KLHL32: variants seen among roughly 807,000 people sequenced by gnomAD.
KLHL32 encodes kelch-like protein 32.
KLHL32 carries 35 observed loss-of-function variants against 64.8 expected under a neutral mutation model. That is an observed-to-expected ratio of 0.54 (90% CI 0.41 to 0.72). The LOEUF (loss-of-function observed/expected upper bound fraction) is 0.72. Among genes scored for constraint, KLHL32 ranks in the 30% least tolerant of loss-of-function variants. KLHL32 has a pLI of 0.00. For synonymous variants in KLHL32, 259 were observed against 281.0 expected (o/e 0.92, Z 0.78); for missense variants, 589 against 768.5 (o/e 0.77, Z 2.76).
At chr6:96,952,319 A>C (rs1250880601) in intron 1 of KLHL32, among the ~76,000 whole-genome samples, 1 of 152,200 alleles carries the variant, frequency 6.6e-6, no homozygotes, top group Non-Finnish European at 1.5e-5. Context: ...TTTTTAAAAG[A>C]AGTTTGGTGA....
At chr6:97,063,880 G>A (rs1789301573) in intron 4 of KLHL32, among the ~76,000 whole-genome samples, 1 of 152,176 alleles carries the variant, frequency 6.6e-6, no homozygotes. Flanking sequence ...TGTGAATTTT[G>A]TCAACATGGT....
intron 6 of KLHL32, among the ~76,000 whole-genome samples, chr6:97,096,159 A>C (rs2128190551): frequency 6.6e-6 from 1 of 152,268 alleles, no homozygotes; most frequent in East Asian, 1.9e-4. Flanking sequence ...AAATGGCATA[A>C]GTTTTATATA....
intron 1 of KLHL32, among the ~76,000 whole-genome samples, chr6:96,932,936 CAATT>C (rs1487822937): frequency 6.6e-6 from 1 of 152,100 alleles, no homozygotes; most frequent in Non-Finnish European, 1.5e-5. Context: ...CAGAAGCCTG[CAATT>C]AATTATTGTC....
chr6:97,080,525 TA>T (rs1792338151), intron 5 of KLHL32, among the ~76,000 whole-genome samples: 1 of 152,180 alleles, frequency 6.6e-6, no homozygotes, highest in Non-Finnish European at 1.5e-5. Flanking sequence ...GATCTGCAGT[TA>T]AAGGGTGCTT....
At chr6:96,947,540 T>C (rs924919856) in intron 1 of KLHL32, among the ~76,000 whole-genome samples, 7 of 152,178 alleles carry the variant, frequency 4.6e-5, no homozygotes, top group Admixed American at 4.6e-4. Flanking sequence ...CTTACAAGCA[T>C]CTTTACAGGG....
At chr6:97,065,754 A>G (rs1171083467) in intron 5 of KLHL32, among the ~76,000 whole-genome samples, 2 of 152,128 alleles carry the variant, frequency 1.3e-5, no homozygotes, top group Non-Finnish European at 2.9e-5. Flanking sequence ...TGTAATTTTA[A>G]ATGTATACTT....
chr6:97,024,919 C>T, intron 3 of KLHL32: 1 of 850,026 alleles, frequency 1.2e-6, no homozygotes. Context: ...CATATCTTTT[C>T]TATGCTTTTA....
chr6:96,918,076 T>A, the KLHL32 span, among the ~76,000 whole-genome samples: 4 of 152,184 alleles, frequency 2.6e-5, no homozygotes, highest in Non-Finnish European at 5.9e-5. Context: ...AATCACCTTT[T>A]CTTGAGAACC....
At chr6:97,102,027 C>T (rs982455938) in intron 6 of KLHL32, among the ~76,000 whole-genome samples, 26 of 152,166 alleles carry the variant, frequency 1.7e-4, no homozygotes, top group South Asian at 2.1e-4. Flanking sequence ...CATGTCTGAT[C>T]GCATTCAGTC....
chr6:96,939,583 G>A (rs1416770968), intron 1 of KLHL32, among the ~76,000 whole-genome samples: 1 of 152,152 alleles, frequency 6.6e-6, no homozygotes, highest in African/African-American at 2.4e-5. Context: ...GAGGCAAAAT[G>A]GAGAGATTGG....
intron 3 of KLHL32, among the ~76,000 whole-genome samples, chr6:96,990,667 T>C (rs1014784185): frequency 2.0e-5 from 3 of 151,982 alleles, no homozygotes; most frequent in Admixed American, 1.3e-4. Flanking sequence ...CACTTGTCTC[T>C]TGGGGCTCCA....
At chr6:97,132,143 A>AAG (rs1277054684) in intron 9 of KLHL32, among the ~76,000 whole-genome samples, 1 of 152,112 alleles carries the variant, frequency 6.6e-6, no homozygotes, top group Non-Finnish European at 1.5e-5. Flanking sequence ...TGGGTATGTA[A>AAG]AGAAAGGTAG....
At chr6:96,919,206 G>A in the KLHL32 span, among the ~76,000 whole-genome samples, 1 of 152,172 alleles carries the variant, frequency 6.6e-6, no homozygotes, top group Non-Finnish European at 1.5e-5. Context: ...TGAGCCACCA[G>A]TATCCTTCCA....
At chr6:97,114,759 A>C (rs967648307) in intron 7 of KLHL32, among the ~76,000 whole-genome samples, 4 of 151,388 alleles carry the variant, frequency 2.6e-5, no homozygotes, top group Non-Finnish European at 5.9e-5. Context: ...GGTCCATCAC[A>C]ACTGTTTTTT....
At chr6:96,962,660 T>C (rs17057164) in intron 1 of KLHL32, among the ~76,000 whole-genome samples, 33,340 of 152,092 alleles carry the variant, frequency 0.22, 4,160 homozygotes, top group African/African-American at 0.34. Flanking sequence ...TATTCTATAA[T>C]AAAAGAAGAC....
chr6:97,003,849 G>A (rs1234427018), intron 3 of KLHL32, among the ~76,000 whole-genome samples: 2 of 152,134 alleles, frequency 1.3e-5, no homozygotes, highest in African/African-American at 4.8e-5. Flanking sequence ...GTTGGTCTAT[G>A]TCTCTGCTTT....
chr6:97,127,335 C>T, intron 7 of KLHL32, 69 bp from the exon 8 acceptor site: 1 of 1,288,484 alleles, frequency 7.8e-7, no homozygotes, highest in South Asian at 1.2e-5. Flanking sequence ...TTAATTGTAT[C>T]TCATTCTTAT....
chr6:96,900,084 T>C, the KLHL32 span, among the ~76,000 whole-genome samples: 4 of 152,234 alleles, frequency 2.6e-5, no homozygotes, highest in Non-Finnish European at 5.9e-5. Flanking sequence ...GTAGGATCCC[T>C]GAGCTGGAGT....
rs76892984 is a variant in KLHL32 at position 96,976,228 on chromosome 6, C to A, written c.204+51C>A. 5,730 of 1,447,162 alleles carry A rather than the reference C, an allele frequency of 4.0e-3. 13 individuals are homozygous for A. The highest frequency in any genetic ancestry group is 4.7e-3 in the Non-Finnish European group (5,006 of 1,072,308). The allele number at this position is 1,447,162 out of a possible 1,614,324, so 89.6% of individuals were successfully genotyped here. A position where few individuals can be genotyped will look rare whatever the true frequency, so the allele number is the denominator to read the frequency against. ...TAAAATATTGATAAAGAGAGGATGA[C>A]AATGTTTCCCAAACTGTCACTAAAC... On this transcript the variant is annotated intron_variant, in intron 3 of 10. Coordinates refer to ENST00000369261, the MANE Select transcript of KLHL32 (RefSeq NM_052904.4).
Sources: gnomAD v4.1 joint callset for allele counts (sites outside exome capture counted in the v4.1 genomes callset) on GRCh38, gnomAD v4.1.1 for gene constraint, MANE v1.5 for transcripts, NCBI Gene and HGNC (gene_info 2026-07-23, HGNC 2026-07-21) for gene names.